Variants in PIWIL2 observed in about 807,000 individuals in gnomAD.
PIWIL2 encodes the protein piwi like RNA-mediated gene silencing 2.
PIWIL2 carries 81 observed loss-of-function variants against 116.5 expected under a neutral mutation model. The ratio of observed to expected loss-of-function variants is 0.70; its 90% CI spans 0.58 to 0.84. PIWIL2 has a LOEUF of 0.84. Ranked by LOEUF, PIWIL2 falls within the 40% of genes least tolerant of loss-of-function variation. The pLI is 0.00. For missense variants in PIWIL2, 1,272 were observed against 1,212.3 expected (o/e 1.05, Z -0.73); for synonymous variants, 489 against 429.5 (o/e 1.14, Z -1.71).
At chr8:22,305,121 C>T (rs1190253100) in intron 12 of PIWIL2, among the ~76,000 whole-genome samples, 2 of 151,974 alleles carry the variant, frequency 1.3e-5, no homozygotes, top group Non-Finnish European at 2.9e-5. Flanking sequence ...AGGAGAATTT[C>T]CAGTGAAGGA....
intron 20 of PIWIL2, among the ~76,000 whole-genome samples, chr8:22,320,856 G>A (rs1831582032): frequency 6.6e-6 from 1 of 152,204 alleles, no homozygotes; most frequent in South Asian, 2.1e-4. Context: ...GCCTCTCAAA[G>A]TGCTGGGATT....
intron 1 of PIWIL2, among the ~76,000 whole-genome samples, chr8:22,277,771 GA>G (rs369424018): frequency 5.3e-5 from 8 of 152,138 alleles, no homozygotes; most frequent in Non-Finnish European, 1.2e-4. Context: ...TCATAGACTG[GA>G]AAAAAGTTAG....
chr8:22,324,002 C>T (rs1831666669), intron 20 of PIWIL2, among the ~76,000 whole-genome samples: 1 of 152,162 alleles, frequency 6.6e-6, no homozygotes, highest in South Asian at 2.1e-4. Context: ...TGGCTCATGC[C>T]TATAATCCCA....
At position 22,355,595 on chromosome 8, in the gene PIWIL2, C is replaced by G; in HGVS notation, c.*90C>G. 2 of 1,176,164 alleles carry G rather than the reference C, an allele frequency of 1.7e-6. No individual in the cohort carries two copies. Among genetic ancestry groups the G allele is most frequent in the Non-Finnish European group, 2.4e-6 (2 of 822,614 alleles). 72.9% of individuals were successfully genotyped at this position (1,176,164 alleles called of 1,614,324 possible). A position where few individuals can be genotyped will look rare whatever the true frequency, so the allele number is the denominator to read the frequency against. On this transcript the variant is annotated 3_prime_UTR_variant, in exon 23 of 23. Transcript: ENST00000356766. ...CAGAATCAACAGAGACTGAAGTGGG[C>G]TTTTGTGTTATAATTTTCCCTTTCT...
intron 10 of PIWIL2, among the ~76,000 whole-genome samples, chr8:22,300,033 G>A (rs971494475): frequency 2.0e-5 from 3 of 151,920 alleles, no homozygotes; most frequent in Non-Finnish European, 4.4e-5. Flanking sequence ...TCCATCTCCC[G>A]GGTTCAGGTG....
rs540224852 is a variant in PIWIL2 at position 22,349,415 on chromosome 8, G to GTATATATATATATATATATA, written c.2404-3543_2404-3542insATATATATATATATATATAT. Among the ~76,000 whole-genome samples, 19 of 134,938 alleles carry GTATATATATATATATATATA rather than the reference G, an allele frequency of 1.4e-4. No individual in the cohort carries two copies. The South Asian group carries it at 1.5e-3, about 11-fold the overall frequency. The allele number at this position is 134,938 out of a possible 152,430, so 88.5% of individuals were successfully genotyped here. On this transcript the variant is annotated intron_variant, in intron 20 of 22. Transcript: ENST00000356766. ...CAACTTTTGTGTACAATATATGTGTGTGTGTATATATATATATATATATAT... is the reference window on the plus strand; with the variant it reads ...CAACTTTTGTGTACAATATATGTGTGTATATATATATATATATATATGTGTATATATATATATATATATAT...
At chr8:22,283,465 G>T (rs1000661715) in intron 5 of PIWIL2, among the ~76,000 whole-genome samples, 1 of 152,246 alleles carries the variant, frequency 6.6e-6, no homozygotes, top group African/African-American at 2.4e-5. Context: ...CTGCAGTGCA[G>T]TGGTGCAATC....
intron 20 of PIWIL2, among the ~76,000 whole-genome samples, chr8:22,343,609 G>A (rs114263621): frequency 0.012 from 1,885 of 152,284 alleles, 38 homozygotes; most frequent in African/African-American, 0.044. Flanking sequence ...AAAATAGGTA[G>A]ATAGATAGAT....
chr8:22,309,064 C>T (rs926749566), intron 14 of PIWIL2, among the ~76,000 whole-genome samples: 9 of 151,756 alleles, frequency 5.9e-5, no homozygotes, highest in Non-Finnish European at 1.2e-4. Flanking sequence ...CAGGTTCAAG[C>T]GATTCTCCTG....
intron 20 of PIWIL2, among the ~76,000 whole-genome samples, chr8:22,352,450 C>T (rs572661264): frequency 6.6e-6 from 1 of 152,276 alleles, no homozygotes; most frequent in African/African-American, 2.4e-5. Context: ...CCATACCAGA[C>T]TGTAGGGTAA....
intron 20 of PIWIL2, among the ~76,000 whole-genome samples, chr8:22,338,101 A>G (rs1163502151): frequency 6.6e-6 from 1 of 152,208 alleles, no homozygotes; most frequent in Non-Finnish European, 1.5e-5. Context: ...TCAAAAAAAA[A>G]AAGAAATTGA....
At chr8:22,310,335 C>G (rs1040396079) in intron 15 of PIWIL2, among the ~76,000 whole-genome samples, 1 of 152,192 alleles carries the variant, frequency 6.6e-6, no homozygotes, top group African/African-American at 2.4e-5. Flanking sequence ...TACCCACTCT[C>G]CCTTCTTTCT....
rs772342380 is a variant in PIWIL2 at position 22,304,223 on chromosome 8, A to C, written c.1370+14A>C. On this transcript the variant is annotated intron_variant, in intron 11 of 22. Transcript: ENST00000356766. ...GGAATACTACAGGTAGCAAGAAGAG[A>C]CTGGGTTTGGGCCTCAGGGTGGGGG... 26 of 1,599,304 alleles carry C rather than the reference A, an allele frequency of 1.6e-5. No homozygotes were observed. Among genetic ancestry groups the C allele is most frequent in the Non-Finnish European group, 2.1e-5 (24 of 1,168,916 alleles).
chr8:22,327,957 C>G (rs1831765801), intron 20 of PIWIL2, among the ~76,000 whole-genome samples: 1 of 152,132 alleles, frequency 6.6e-6, no homozygotes, highest in South Asian at 2.1e-4. Flanking sequence ...ATTTTGATAA[C>G]ATGCAATTTA....
chr8:22,354,453 C>T, intron 22 of PIWIL2, 75 bp downstream of exon 22: 2 of 868,456 alleles, frequency 2.3e-6, no homozygotes, highest in South Asian at 1.4e-5. Flanking sequence ...GCTCACTGTT[C>T]ACCCCAAAAT....
chr8:22,279,650 T>C, intron 2 of PIWIL2, 66 bp downstream of exon 2: 1 of 1,476,622 alleles, frequency 6.8e-7, no homozygotes, highest in Non-Finnish European at 9.4e-7. Flanking sequence ...GAGGAAGTAA[T>C]GGATTTCAAA....
At chr8:22,302,415 A>T (rs1276176737) in intron 10 of PIWIL2, among the ~76,000 whole-genome samples, 1 of 151,988 alleles carries the variant, frequency 6.6e-6, no homozygotes, top group Admixed American at 6.6e-5. Flanking sequence ...TCTTGACATC[A>T]TGATCCGCCC....
intron 21 of PIWIL2, among the ~76,000 whole-genome samples, chr8:22,353,863 C>G (rs150849710): frequency 6.8e-6 from 1 of 146,558 alleles, no homozygotes; most frequent in Non-Finnish European, 1.5e-5. Flanking sequence ...CAGCCTCAAC[C>G]TGCTTAGGCC....
At chr8:22,291,171 G>A (rs1830758472) in intron 10 of PIWIL2, among the ~76,000 whole-genome samples, 1 of 149,786 alleles carries the variant, frequency 6.7e-6, no homozygotes. Flanking sequence ...TTTTTTCTGA[G>A]AGAGAGTCTC....
Sources: gnomAD v4.1 joint callset for allele counts (sites outside exome capture counted in the v4.1 genomes callset) on GRCh38, gnomAD v4.1.1 for gene constraint, MANE v1.5 for transcripts, NCBI Gene and HGNC (gene_info 2026-07-23, HGNC 2026-07-21) for gene names.